CDYL: variants seen among roughly 807,000 people sequenced by gnomAD.
CDYL encodes chromodomain Y-like protein.
Under a neutral mutation model 47.3 loss-of-function variants are expected in CDYL, and 8 were observed. The ratio of observed to expected loss-of-function variants is 0.17; its 90% CI spans 0.10 to 0.31. The LOEUF is 0.31. Among genes scored for constraint, CDYL ranks in the 10% least tolerant of loss-of-function variants. The pLI, the probability that CDYL is intolerant of heterozygous loss-of-function variation, is 1.00. For missense variants in CDYL, 471 were observed against 701.4 expected (o/e 0.67, Z 3.71); for synonymous variants, 266 against 265.0 (o/e 1.00, Z -0.04).
At chr6:4,878,700 TTTAAA>T (rs1187663494) in intron 1 of CDYL, among the ~76,000 whole-genome samples, 1 of 152,136 alleles carries the variant, frequency 6.6e-6, no homozygotes, top group African/African-American at 2.4e-5. Context: ...GCTATATCAA[TTTAAA>T]TAATATTCCA....
intron 1 of CDYL, among the ~76,000 whole-genome samples, chr6:4,853,929 C>T (rs1056560367): frequency 1.3e-5 from 2 of 152,244 alleles, no homozygotes; most frequent in African/African-American, 4.8e-5. Context: ...ATCCTCCTCC[C>T]ACTTTGTAAA....
chr6:4,940,610 C>T (rs1758335249), intron 4 of CDYL, among the ~76,000 whole-genome samples: 1 of 152,242 alleles, frequency 6.6e-6, no homozygotes, highest in Admixed American at 6.5e-5. Flanking sequence ...CAAAAATATT[C>T]TGCACCTTTG....
At chr6:4,733,405 A>G (rs930690415) in intron 2 of CDYL, among the ~76,000 whole-genome samples, 6 of 148,294 alleles carry the variant, frequency 4.0e-5, no homozygotes, top group African/African-American at 1.3e-4. Context: ...GTAAAAATGT[A>G]TGTGACTCAG....
intron 2 of CDYL, among the ~76,000 whole-genome samples, chr6:4,913,861 G>T (rs1488201601): frequency 1.3e-5 from 2 of 152,256 alleles, no homozygotes; most frequent in Admixed American, 6.5e-5. Context: ...ACAGGAAGCA[G>T]CCCAGATTTG....
intron 3 of CDYL, among the ~76,000 whole-genome samples, chr6:4,751,907 C>T (rs553766431): frequency 1.1e-4 from 16 of 152,278 alleles, no homozygotes; most frequent in African/African-American, 2.6e-4. Flanking sequence ...GTCTTTCCTG[C>T]GACTGTTTTG....
chr6:4,731,071 G>A (rs951251234), intron 2 of CDYL, among the ~76,000 whole-genome samples: 2 of 152,190 alleles, frequency 1.3e-5, no homozygotes, highest in East Asian at 1.9e-4. Flanking sequence ...ATTCCGTAAC[G>A]ATGCTCAGCA....
At chr6:4,894,977 G>A (rs891072463) in intron 2 of CDYL, among the ~76,000 whole-genome samples, 1 of 141,272 alleles carries the variant, frequency 7.1e-6, no homozygotes, top group African/African-American at 2.5e-5. Flanking sequence ...GTGTATATGT[G>A]TATGCATATG....
intron 2 of CDYL, among the ~76,000 whole-genome samples, chr6:4,902,421 AG>A (rs1757094369): frequency 2.0e-5 from 3 of 151,086 alleles, no homozygotes; most frequent in South Asian, 4.2e-4. Flanking sequence ...AAAAAAAAAA[AG>A]ACAGTAGGTA....
chr6:4,876,129 CTTGTTGTTTG>C (rs1212155025), intron 1 of CDYL, among the ~76,000 whole-genome samples: 6 of 152,156 alleles, frequency 3.9e-5, no homozygotes, highest in Non-Finnish European at 7.3e-5. Flanking sequence ...CCCTCCCACC[CTTGTTGTTTG>C]TTGTTGTTGT....
chr6:4,875,498 T>G (rs1761595730), intron 1 of CDYL, among the ~76,000 whole-genome samples: 1 of 152,230 alleles, frequency 6.6e-6, no homozygotes, highest in African/African-American at 2.4e-5. Flanking sequence ...AGCCATGTTT[T>G]GCCATTTTTG....
Position 4,891,747 on chromosome 6 carries a change from A to G in CDYL, c.59A>G (p.Lys20Arg), listed in dbSNP as rs1561689754. 6.2e-7 allele frequency: 1 copy of G among 1,613,404 alleles called. No homozygotes were observed. The highest frequency in any genetic ancestry group is 8.5e-7 in the Non-Finnish European group (1 of 1,179,706). Residue 20 changes from lysine to arginine, a missense_variant, in exon 2 of 7, where the codon AAA (lysine) becomes AGA (arginine). Lys to Arg is a conservative substitution (Grantham distance 26, BLOSUM62 2). Coordinates refer to ENST00000397588, the MANE Select transcript of CDYL (RefSeq NM_004824.4). ...ATTGTTGACAAAAGGAAAAATAAAA[A>G]AGGGAAGACAGAGTATTTGGTTCGG... ...ERIVDKRKNK[K>R]GKTEYLVRWK... is the part of the protein sequence containing the mutation.
chr6:4,788,719 C>T (rs1262586854), intron 1 of CDYL, among the ~76,000 whole-genome samples: 1 of 151,460 alleles, frequency 6.6e-6, no homozygotes, highest in African/African-American at 2.4e-5. Context: ...CCAATCCTTT[C>T]TGTGCTTCCC....
intron 2 of CDYL, among the ~76,000 whole-genome samples, chr6:4,733,612 T>C (rs1449408997): frequency 6.6e-6 from 1 of 152,154 alleles, no homozygotes; most frequent in Non-Finnish European, 1.5e-5. Context: ...GACAGCCTTT[T>C]AGTCACTCAG....
At chr6:4,715,868 G>A in exon 2 of CDYL, 1 of 1,614,000 alleles carries the variant, frequency 6.2e-7, no homozygotes, top group Non-Finnish European at 8.5e-7. Context: ...AGTTATTCCT[G>A]AAGAGAAACA....
At chr6:4,847,230 G>A (rs1760687333) in intron 1 of CDYL, among the ~76,000 whole-genome samples, 3 of 152,112 alleles carry the variant, frequency 2.0e-5, no homozygotes, top group South Asian at 2.1e-4. Flanking sequence ...GGAAAGCCCT[G>A]GTGCATCAAA....
intron 2 of CDYL, chr6:4,716,022 G>A: frequency 7.7e-7 from 1 of 1,294,540 alleles, no homozygotes; most frequent in Non-Finnish European, 1.0e-6. Flanking sequence ...GCCGAGGCGG[G>A]CGGATCATGA....
chr6:4,915,805 C>T (rs1051577298), intron 2 of CDYL, among the ~76,000 whole-genome samples: 1 of 152,194 alleles, frequency 6.6e-6, no homozygotes, highest in East Asian at 1.9e-4. Flanking sequence ...AGGCTGACAC[C>T]TTTTCAGCTC....
chr6:4,884,049 G>T (rs1761836211), intron 1 of CDYL, among the ~76,000 whole-genome samples: 1 of 152,204 alleles, frequency 6.6e-6, no homozygotes, highest in Non-Finnish European at 1.5e-5. Context: ...AGACATGGTG[G>T]TAGGAAATTT....
At chr6:4,863,964 C>T (rs983914350) in intron 1 of CDYL, among the ~76,000 whole-genome samples, 1 of 152,000 alleles carries the variant, frequency 6.6e-6, no homozygotes. Context: ...TGAATTGAGA[C>T]CTAGATATAT....
Sources: gnomAD v4.1 joint callset for allele counts (sites outside exome capture counted in the v4.1 genomes callset) on GRCh38, gnomAD v4.1.1 for gene constraint, MANE v1.5 for transcripts, NCBI Gene and HGNC (gene_info 2026-07-23, HGNC 2026-07-21) for gene names.